Variants in ASIC2 observed in about 807,000 individuals in gnomAD.
The protein encoded by ASIC2 is acid-sensing ion channel 2.
ASIC2 carries 25 observed loss-of-function variants against 57.3 expected under a neutral mutation model. The ratio of observed to expected loss-of-function variants is 0.44; its 90% CI spans 0.32 to 0.61. The LOEUF (loss-of-function observed/expected upper bound fraction) is 0.61. Among genes scored for constraint, ASIC2 ranks in the 20% least tolerant of loss-of-function variants. The probability of loss-of-function intolerance (pLI) is 0.06; values close to 1 mark genes in which losing one functional copy is unlikely to be tolerated. For missense variants in ASIC2, 641 were observed against 738.1 expected (o/e 0.87, Z 1.52); for synonymous variants, 319 against 307.5 (o/e 1.04, Z -0.39).
chr17:33,086,403 C>T (rs2092134011), intron 3 of ASIC2, among the ~76,000 whole-genome samples: 1 of 152,192 alleles, frequency 6.6e-6, no homozygotes, highest in Admixed American at 6.5e-5. Context: ...CAACAAGCCA[C>T]AAAGTCAGAT....
At chr17:33,872,739 T>C (rs992568788) in intron 1 of ASIC2, among the ~76,000 whole-genome samples, 1 of 152,108 alleles carries the variant, frequency 6.6e-6, no homozygotes, top group African/African-American at 2.4e-5. Flanking sequence ...TACATGCTGA[T>C]AAGGAGGAGA....
chr17:33,499,460 A>G (rs574846320), intron 1 of ASIC2, among the ~76,000 whole-genome samples: 1 of 152,350 alleles, frequency 6.6e-6, no homozygotes, highest in Admixed American at 6.5e-5. Context: ...AAGGCCACGT[A>G]AACACGAAGG....
Position 33,667,361 on chromosome 17 carries a change from A to G in ASIC2, c.555+488617T>C, listed in dbSNP as rs1036113603. On this transcript the variant is annotated intron_variant, in intron 1 of 9. Transcript: ENST00000359872. Reference sequence around the variant, plus strand: ...GCACATGTGCTTTGTGGTTATTGTTAAGTAAGCAGAAACACCCACACAACG... The same window carrying G: ...GCACATGTGCTTTGTGGTTATTGTTGAGTAAGCAGAAACACCCACACAACG... Among the ~76,000 whole-genome samples, 2 of 152,200 alleles carry G rather than the reference A, an allele frequency of 1.3e-5. 1 individual carries two copies.
chr17:33,176,373 C>T (rs1446358963), intron 1 of ASIC2, among the ~76,000 whole-genome samples: 2 of 152,190 alleles, frequency 1.3e-5, no homozygotes, highest in East Asian at 1.9e-4. Context: ...TAGGGTCTCA[C>T]CTGCTTTGTT....
intron 1 of ASIC2, among the ~76,000 whole-genome samples, chr17:33,310,820 T>C (rs955031082): frequency 6.6e-6 from 1 of 152,228 alleles, no homozygotes; most frequent in Non-Finnish European, 1.5e-5. Flanking sequence ...AATATATAGA[T>C]AGATATAGGT....
intron 1 of ASIC2, among the ~76,000 whole-genome samples, chr17:34,153,842 A>G (rs1904617421): frequency 1.3e-5 from 2 of 152,244 alleles, no homozygotes; most frequent in Admixed American, 1.3e-4. Context: ...AGTAGTAAAT[A>G]TTATCCATAG....
At chr17:33,303,168 G>GT (rs1399591347) in intron 1 of ASIC2, among the ~76,000 whole-genome samples, 2 of 152,292 alleles carry the variant, frequency 1.3e-5, no homozygotes, top group South Asian at 2.1e-4. Flanking sequence ...CAACATATTG[G>GT]TAATTATTAG....
chr17:33,168,270 G>T (rs1397182404), intron 1 of ASIC2, among the ~76,000 whole-genome samples: 2 of 152,208 alleles, frequency 1.3e-5, no homozygotes, highest in African/African-American at 4.8e-5. Context: ...TGGTGCCAAA[G>T]AGTGGCACTG....
chr17:34,099,435 AAAAG>A (rs1244141299), intron 1 of ASIC2, among the ~76,000 whole-genome samples: 10 of 129,950 alleles, frequency 7.7e-5, no homozygotes, highest in East Asian at 2.4e-4. Context: ...AAGAAAGAAG[AAAAG>A]AAAGAGAAAG....
intron 1 of ASIC2, among the ~76,000 whole-genome samples, chr17:33,303,350 G>A (rs1906036977): frequency 6.6e-6 from 1 of 152,146 alleles, no homozygotes; most frequent in Non-Finnish European, 1.5e-5. Flanking sequence ...GTTTTTCCGA[G>A]CTTGGGTGTA....
intron 1 of ASIC2, among the ~76,000 whole-genome samples, chr17:33,512,293 A>C (rs1356771690): frequency 2.0e-5 from 3 of 152,168 alleles, no homozygotes; most frequent in Non-Finnish European, 2.9e-5. Flanking sequence ...TAGAGCCTGG[A>C]AGAATTGGCA....
intron 1 of ASIC2, among the ~76,000 whole-genome samples, chr17:33,443,406 ATTT>A (rs779597047): frequency 0.079 from 5,873 of 74,632 alleles, 80 homozygotes; most frequent in Middle Eastern, 0.19. Context: ...GGAGGGTAAG[ATTT>A]TTTTTTTTTT....
chr17:33,885,160 T>C (rs998897849), intron 1 of ASIC2, among the ~76,000 whole-genome samples: 2 of 152,190 alleles, frequency 1.3e-5, no homozygotes, highest in African/African-American at 4.8e-5. Context: ...CACAGGCTGG[T>C]GTCAAACTGC....
intron 1 of ASIC2, among the ~76,000 whole-genome samples, chr17:33,913,617 C>T (rs1915516438): frequency 6.6e-6 from 1 of 152,160 alleles, no homozygotes; most frequent in Non-Finnish European, 1.5e-5. Flanking sequence ...AACATCAGCT[C>T]CTTCTTCCTT....
intron 1 of ASIC2, among the ~76,000 whole-genome samples, chr17:33,960,912 A>C (rs1241632333): frequency 1.3e-5 from 2 of 152,170 alleles, no homozygotes; most frequent in Non-Finnish European, 2.9e-5. Context: ...TCTCCACGCT[A>C]TCACTAGGAC....
At chr17:33,245,914 G>A (rs1908672355) in intron 1 of ASIC2, among the ~76,000 whole-genome samples, 1 of 152,094 alleles carries the variant, frequency 6.6e-6, no homozygotes, top group Admixed American at 6.5e-5. Context: ...TCTGGGCCAG[G>A]CACAATAGTT....
chr17:33,428,680 C>T (rs543393684), intron 1 of ASIC2, among the ~76,000 whole-genome samples: 1 of 152,246 alleles, frequency 6.6e-6, no homozygotes, highest in East Asian at 1.9e-4. Context: ...TAGCTTTGAC[C>T]CATGAACCCT....
intron 1 of ASIC2, among the ~76,000 whole-genome samples, chr17:33,961,643 A>G (rs1597951081): frequency 1.3e-5 from 2 of 152,360 alleles, no homozygotes; most frequent in South Asian, 2.1e-4. Context: ...AGTGATTTGC[A>G]TAATTGCCTT....
chr17:34,021,827 G>C (rs979094268), intron 1 of ASIC2, among the ~76,000 whole-genome samples: 9 of 127,324 alleles, frequency 7.1e-5, no homozygotes, highest in African/African-American at 3.4e-4. Context: ...TTGGTTTTGT[G>C]TTTTGTTTTG....
Sources: allele counts gnomAD v4.1 joint callset (sites outside exome capture counted in the v4.1 genomes callset), GRCh38; gene constraint gnomAD v4.1.1; transcripts MANE v1.5; gene names NCBI Gene and HGNC (gene_info 2026-07-23, HGNC 2026-07-21).